ABCG1: variants seen among roughly 807,000 people sequenced by gnomAD.
ABCG1 encodes ATP-binding cassette sub-family G member 1.
ABCG1 carries 29 observed loss-of-function variants against 69.2 expected under a neutral mutation model. The observed-to-expected ratio is 0.42, with a 90% CI of 0.31 to 0.57. The LOEUF (loss-of-function observed/expected upper bound fraction) is 0.57. ABCG1 is among the 20% of genes least tolerant of loss of function. ABCG1 has a pLI of 0.15. For missense variants in ABCG1, 718 were observed against 898.1 expected (o/e 0.80, Z 2.56); for synonymous variants, 370 against 374.8 (o/e 0.99, Z 0.15).
chr21:42,295,765 GGA>G (rs1301339132), intron 14 of ABCG1, among the ~76,000 whole-genome samples: 1 of 152,204 alleles, frequency 6.6e-6, no homozygotes, highest in Non-Finnish European at 1.5e-5. Context: ...TGGAGCAGAG[GGA>G]GAGAGGGGGC....
In ABCG1 at chr21:42,291,204, A is replaced by T; in HGVS notation, c.1494+12A>T. 1 of 1,604,848 alleles carries T rather than the reference A, an allele frequency of 6.2e-7. No homozygotes were observed. The highest frequency in any genetic ancestry group is 8.5e-7 in the Non-Finnish European group (1 of 1,172,466). On this transcript the variant is annotated intron_variant, in intron 12 of 14. Transcript: ENST00000398449. This position sits in a 1 kb window ranked among gnomAD's most constrained non-coding sequence, Gnocchi z 6.4. Reference sequence around the variant, plus strand: ...ACGTGCCCTTTCAGGTGTGTTAGCCAGGGGCTGGAATTTGAAACGGGGGCA... The same window carrying T: ...ACGTGCCCTTTCAGGTGTGTTAGCCTGGGGCTGGAATTTGAAACGGGGGCA...
At position 42,260,140 on chromosome 21, in the gene ABCG1, G is replaced by A. The variant is rs1033147118; in HGVS notation, c.287-10930G>A. The A allele has an allele frequency of 1.1e-5, 17 of 1,550,520 alleles. No individual in the cohort carries two copies. The East Asian group carries it at 2.2e-4, about 20-fold the overall frequency. Reference sequence around the variant, plus strand: ...TTTCCTGGCGATCCCATGGAGGAAGGTGAGGATGAGTTGTGTTGCTTCTCG... The same window carrying A: ...TTTCCTGGCGATCCCATGGAGGAAGATGAGGATGAGTTGTGTTGCTTCTCG... On this transcript the variant is annotated intron_variant, in intron 2 of 14. Transcript: ENST00000398449.
chr21:42,201,492 G>A (rs1024250523), intron 1 of ABCG1: 8 of 883,598 alleles, frequency 9.1e-6, no homozygotes, highest in Non-Finnish European at 1.2e-5. Context: ...CAGGGGTTGG[G>A]GACTTGTCTT....
chr21:42,291,673 C>T lies in ABCG1; in HGVS notation c.1653+17C>T, dbSNP rs1190911257. Reference sequence around the variant, plus strand: ...TCCCTGCAGGTGCCAGCCCAGGAGGCGCTAAGTGAGGGCATGACGGCTGGG... The same window carrying T: ...TCCCTGCAGGTGCCAGCCCAGGAGGTGCTAAGTGAGGGCATGACGGCTGGG... On this transcript the variant is annotated intron_variant, in intron 13 of 14. Coordinates refer to ENST00000398449, the MANE Select transcript of ABCG1 (RefSeq NM_016818.3). This position sits in a 1 kb window ranked among gnomAD's most constrained non-coding sequence, Gnocchi z 6.4. 16 of 1,588,202 alleles carry T rather than the reference C, an allele frequency of 1.0e-5. No individual in the cohort carries two copies. Among genetic ancestry groups the T allele is most frequent in the South Asian group, 4.5e-5 (4 of 89,588 alleles).
intron 2 of ABCG1, among the ~76,000 whole-genome samples, chr21:42,266,287 C>T (rs181103669): frequency 4.8e-4 from 72 of 151,180 alleles, no homozygotes; most frequent in African/African-American, 1.7e-3. Context: ...GGTGACAGAG[C>T]GAGACTCTGT....
At chr21:42,259,955 G>T in intron 2 of ABCG1, 2 of 1,488,576 alleles carry the variant, frequency 1.3e-6, no homozygotes, top group Non-Finnish European at 1.8e-6. Flanking sequence ...GGTGGTGTTG[G>T]CTTGCTCTTC....
At chr21:42,278,419 A>T (rs225403) in intron 5 of ABCG1, among the ~76,000 whole-genome samples, 116,359 of 152,178 alleles carry the variant, frequency 0.76, 45,463 homozygotes, top group African/African-American at 0.92. Context: ...AAACCCAGAA[A>T]TGGCTGTATT....
At chr21:42,218,666 A>C (rs1018132508), upstream of ABCG1, among the ~76,000 whole-genome samples, 1 of 143,844 alleles carries the variant, frequency 7.0e-6, no homozygotes, top group Non-Finnish European at 1.5e-5. Context: ...TCTCTTCTTT[A>C]GTCCTCAAGC....
chr21:42,275,932 A>G (rs940641424), intron 4 of ABCG1, among the ~76,000 whole-genome samples: 5 of 152,228 alleles, frequency 3.3e-5, no homozygotes, highest in African/African-American at 1.2e-4. Flanking sequence ...GCAGTGTCAC[A>G]TGGCAGGAGC....
Position 42,266,924 on chromosome 21 carries a change from C to T in ABCG1, c.287-4146C>T, listed in dbSNP as rs138011572. Among the ~76,000 whole-genome samples the T allele has an allele frequency of 2.9e-3, 435 of 152,276 alleles. 4 individuals carry two copies. Among genetic ancestry groups the T allele is most frequent in the African/African-American group, 0.01 (419 of 41,550 alleles). ...AGACCCCATTCTCTCCTCTGGTTCT[C>T]GATGGCCCTCACCTCCCATTTCTTT... On this transcript the variant is annotated intron_variant, in intron 2 of 14. Coordinates refer to ENST00000398449, the MANE Select transcript of ABCG1 (RefSeq NM_016818.3).
intron 2 of ABCG1, 56 bp from the exon 3 acceptor site, chr21:42,271,014 T>C: frequency 8.2e-7 from 1 of 1,221,744 alleles, no homozygotes; most frequent in Admixed American, 2.9e-5. Flanking sequence ...CATTTGCATA[T>C]TTACTGCATT....
At chr21:42,295,503 G>A (rs575221543) in intron 14 of ABCG1, among the ~76,000 whole-genome samples, 5 of 152,170 alleles carry the variant, frequency 3.3e-5, no homozygotes, top group Admixed American at 6.5e-5. Context: ...TGTGGAGTGC[G>A]GTGTTGGCAC....
At chr21:42,224,043 G>C (rs1170411448) in intron 1 of ABCG1, among the ~76,000 whole-genome samples, 5 of 152,178 alleles carry the variant, frequency 3.3e-5, no homozygotes, top group Admixed American at 3.3e-4. Flanking sequence ...CACAGCCATC[G>C]GGGGTCACGT....
intron 5 of ABCG1, 37 bp from the exon 6 acceptor site, chr21:42,282,237 G>T (rs565882894): frequency 1.3e-6 from 2 of 1,597,024 alleles, no homozygotes; most frequent in Non-Finnish European, 1.7e-6. Context: ...GAGCTTTGGC[G>T]GGCAGCTCCC....
chr21:42,245,773 A>T (rs113069937), intron 2 of ABCG1, among the ~76,000 whole-genome samples: 4,292 of 152,310 alleles, frequency 0.028, 120 homozygotes, highest in Middle Eastern at 0.054. Flanking sequence ...TCTGAAAATC[A>T]TCTGCACATC....
chr21:42,287,636 T>C lies in ABCG1; in HGVS notation c.974-253T>C, dbSNP rs1346541010. Among the ~76,000 whole-genome samples, 1 of 152,168 alleles carries C rather than the reference T, an allele frequency of 6.6e-6. No individual in the cohort carries two copies. Among genetic ancestry groups the C allele is most frequent in the Non-Finnish European group, 1.5e-5 (1 of 68,026 alleles). ...AGCAGTCGGTAGATGCAGGAGCTCA[T>C]TACTTCTCAGACCACTGACAGCACA... On this transcript the variant is annotated intron_variant, in intron 8 of 14. Coordinates refer to ENST00000398449, the MANE Select transcript of ABCG1 (RefSeq NM_016818.3). The surrounding 1 kb of genome is among the most constrained non-coding windows in gnomAD (Gnocchi z 6.2).
chr21:42,244,235 A>G (rs1026632093), intron 2 of ABCG1, among the ~76,000 whole-genome samples: 1 of 152,176 alleles, frequency 6.6e-6, no homozygotes, highest in Non-Finnish European at 1.5e-5. Flanking sequence ...TGGAGAGGGC[A>G]TCCTAGGAGT....
Position 42,291,447 on chromosome 21 carries a change from T to C in ABCG1, c.1495-51T>C. 5 of 1,575,888 alleles carry C rather than the reference T, an allele frequency of 3.2e-6. No homozygotes were observed. Among genetic ancestry groups the C allele is most frequent in the Non-Finnish European group, 4.3e-6 (5 of 1,155,802 alleles). The stretch of plus-strand genomic sequence containing the variant: ...CTGCCCAGGAGCTTTGCTGTTGGCC[T>C]GCTGTGGTGGGAAGCGGCTGAGCCC... On this transcript the variant is annotated intron_variant, in intron 12 of 14. Coordinates refer to ENST00000398449, the MANE Select transcript of ABCG1 (RefSeq NM_016818.3). The surrounding 1 kb of genome is among the most constrained non-coding windows in gnomAD (Gnocchi z 6.4).
intron 2 of ABCG1, among the ~76,000 whole-genome samples, chr21:42,267,946 G>C (rs1292726660): frequency 6.8e-6 from 1 of 147,976 alleles, no homozygotes; most frequent in African/African-American, 2.6e-5. Context: ...TCTGGGTTCT[G>C]TCTAAGTTCT....
Sources: allele counts gnomAD v4.1 joint callset (sites outside exome capture counted in the v4.1 genomes callset), GRCh38; gene constraint gnomAD v4.1.1; non-coding constraint Gnocchi (gnomAD v3.1); transcripts MANE v1.5; gene names NCBI Gene and HGNC (gene_info 2026-07-23, HGNC 2026-07-21).